The following MACROD2 variants were observed in gnomAD, a reference collection of about 807,000 sequenced individuals.
MACROD2 encodes the protein ADP-ribose glycohydrolase MACROD2.
In MACROD2, 36 loss-of-function variants were observed where a neutral mutation model predicts 70.4. The ratio of observed to expected loss-of-function variants is 0.51; its 90% confidence interval spans 0.39 to 0.68. The LOEUF (loss-of-function observed/expected upper bound fraction) is 0.68. Ranked by LOEUF, MACROD2 falls within the 30% of genes least tolerant of loss-of-function variation. The probability of loss-of-function intolerance (pLI) is 0.00; values close to 1 mark genes in which losing one functional copy is unlikely to be tolerated. For synonymous variants in MACROD2, 172 were observed against 178.8 expected (o/e 0.96, Z 0.30); for missense variants, 496 against 538.4 (o/e 0.92, Z 0.78).
At chr20:15,737,382 A>G (rs951882889) in intron 8 of MACROD2, among the ~76,000 whole-genome samples, 4 of 152,214 alleles carry the variant, frequency 2.6e-5, no homozygotes, top group South Asian at 4.1e-4. Flanking sequence ...GTATTTCTCA[A>G]CTGTATCTTG....
intron 8 of MACROD2, among the ~76,000 whole-genome samples, chr20:15,692,327 C>T (rs944628754): frequency 6.6e-6 from 1 of 152,168 alleles, no homozygotes; most frequent in Non-Finnish European, 1.5e-5. Flanking sequence ...GCCAGCATGC[C>T]TGTCTTTCCC....
At chr20:14,932,127 C>T (rs1376837501) in intron 5 of MACROD2, among the ~76,000 whole-genome samples, 2 of 152,060 alleles carry the variant, frequency 1.3e-5, no homozygotes, top group African/African-American at 4.8e-5. Context: ...CTGGCTGTGC[C>T]CCTGGTTCCG....
intron 5 of MACROD2, among the ~76,000 whole-genome samples, chr20:14,969,631 T>C (rs1303597546): frequency 6.6e-6 from 1 of 152,200 alleles, no homozygotes; most frequent in Admixed American, 6.5e-5. Context: ...TCTTAGGATG[T>C]AAGTGCCTTT....
At chr20:15,403,443 G>T (rs938687085) in intron 6 of MACROD2, among the ~76,000 whole-genome samples, 18 of 135,156 alleles carry the variant, frequency 1.3e-4, no homozygotes, top group Admixed American at 1.3e-3. Flanking sequence ...GGAGGAGGAC[G>T]AGGAGGAGGA....
chr20:14,172,552 G>C (rs1170502109), intron 3 of MACROD2, among the ~76,000 whole-genome samples: 2 of 152,092 alleles, frequency 1.3e-5, no homozygotes, highest in African/African-American at 4.8e-5. Context: ...TGATCCACCT[G>C]CCTCGGCCTC....
chr20:14,446,323 T>C (rs187585209), intron 3 of MACROD2, among the ~76,000 whole-genome samples: 60 of 152,240 alleles, frequency 3.9e-4, no homozygotes, highest in Admixed American at 2.1e-3. Context: ...TCACCATTTA[T>C]AGATGTGGAA....
intron 6 of MACROD2, among the ~76,000 whole-genome samples, chr20:15,284,746 A>C (rs1600196423): frequency 6.6e-6 from 1 of 152,222 alleles, no homozygotes; most frequent in African/African-American, 2.4e-5. Flanking sequence ...TAAGGAGATA[A>C]GTGGAAAGTG....
At chr20:15,465,609 C>T (rs868381573) in intron 7 of MACROD2, among the ~76,000 whole-genome samples, 1 of 152,252 alleles carries the variant, frequency 6.6e-6, no homozygotes, top group Admixed American at 6.5e-5. Context: ...AGTCCACAAT[C>T]GGGCAGGGTG....
rs377655170 is a variant in MACROD2 at position 14,942,564 on chromosome 20, T to C, written c.418+257605T>C. Reference sequence around the variant, plus strand: ...GAAATTTCTTTTAGAAAATATTCTTTCTTTCAGGATACGTAACAAATCAAG... The same window carrying C: ...GAAATTTCTTTTAGAAAATATTCTTCCTTTCAGGATACGTAACAAATCAAG... On this transcript the variant is annotated intron_variant, in intron 5 of 17. Coordinates refer to ENST00000684519, the MANE Select transcript of MACROD2 (RefSeq NM_001351661.2). Among the ~76,000 whole-genome samples, 11 of 152,336 alleles carry C rather than the reference T, an allele frequency of 7.2e-5. 1 individual carries two copies. The highest frequency in any genetic ancestry group is 2.6e-4 in the African/African-American group (11 of 41,584).
intron 7 of MACROD2, among the ~76,000 whole-genome samples, chr20:15,497,590 G>T (rs1051406942): frequency 8.6e-5 from 13 of 151,988 alleles, no homozygotes. Context: ...GCACCTGGCC[G>T]CCTCCTTCTC....
intron 5 of MACROD2, among the ~76,000 whole-genome samples, chr20:15,075,941 G>T (rs747068515): frequency 6.6e-6 from 1 of 152,066 alleles, no homozygotes; most frequent in Non-Finnish European, 1.5e-5. Flanking sequence ...GGAAGAATAT[G>T]TTATAAAAGA....
At chr20:15,463,084 C>T (rs965806841) in intron 7 of MACROD2, among the ~76,000 whole-genome samples, 3 of 152,202 alleles carry the variant, frequency 2.0e-5, no homozygotes, top group African/African-American at 4.8e-5. Context: ...AGTCTTCATA[C>T]ACATAGGAAT....
chr20:14,900,764 A>G (rs79944459), intron 5 of MACROD2, among the ~76,000 whole-genome samples: 2 of 150,910 alleles, frequency 1.3e-5, no homozygotes, highest in East Asian at 3.9e-4. Flanking sequence ...GTTTGGTTTC[A>G]TTGGTTTTCT....
intron 3 of MACROD2, chr20:14,327,185 C>G: frequency 6.2e-7 from 1 of 1,613,608 alleles, no homozygotes; most frequent in Non-Finnish European, 8.5e-7. Flanking sequence ...AAATGTAACT[C>G]TTTTACATAC....
At chr20:15,538,577 G>T (rs1324604824) in intron 8 of MACROD2, among the ~76,000 whole-genome samples, 1 of 152,176 alleles carries the variant, frequency 6.6e-6, no homozygotes, top group Non-Finnish European at 1.5e-5. Flanking sequence ...AAGCATCATT[G>T]TTCAGTGCAA....
intron 5 of MACROD2, among the ~76,000 whole-genome samples, chr20:15,146,677 A>G (rs888718722): frequency 2.6e-5 from 4 of 152,162 alleles, no homozygotes; most frequent in African/African-American, 9.6e-5. Flanking sequence ...TGACTCCTTT[A>G]TATGACGAAC....
At chr20:15,020,110 C>G (rs2075153204) in intron 5 of MACROD2, among the ~76,000 whole-genome samples, 1 of 152,046 alleles carries the variant, frequency 6.6e-6, no homozygotes, top group Non-Finnish European at 1.5e-5. Context: ...AGATGGGAGG[C>G]TGGATTTGAC....
At chr20:15,368,283 A>G (rs1392082744) in intron 6 of MACROD2, among the ~76,000 whole-genome samples, 1 of 152,060 alleles carries the variant, frequency 6.6e-6, no homozygotes, top group African/African-American at 2.4e-5. Flanking sequence ...GTGTTCTTTA[A>G]CAACCCTCCA....
At chr20:14,098,110 A>T (rs931571693) in intron 3 of MACROD2, among the ~76,000 whole-genome samples, 3 of 152,242 alleles carry the variant, frequency 2.0e-5, no homozygotes, top group Non-Finnish European at 4.4e-5. Context: ...AGTGCCTTAT[A>T]TACAGACACA....
Sources: allele counts gnomAD v4.1 joint callset (sites outside exome capture counted in the v4.1 genomes callset), GRCh38; gene constraint gnomAD v4.1.1; transcripts MANE v1.5; gene names NCBI Gene and HGNC (gene_info 2026-07-23, HGNC 2026-07-21).